Variants in PSCA observed in about 807,000 individuals in gnomAD.
The protein encoded by PSCA is prostate stem cell antigen.
Under a neutral mutation model 7.9 loss-of-function variants are expected in PSCA, and 7 were observed. The ratio of observed to expected loss-of-function variants is 0.89; its 90% CI spans 0.51 to 1.67. PSCA has a LOEUF of 1.67. Among genes scored for constraint, PSCA ranks in the 40% most tolerant of loss-of-function variants. The probability of loss-of-function intolerance (pLI) is 0.00; values close to 1 mark genes in which losing one functional copy is unlikely to be tolerated. For missense variants in PSCA, 151 were observed against 147.9 expected (o/e 1.02, Z -0.11); for synonymous variants, 61 against 68.3 (o/e 0.89, Z 0.53).
Position 142,673,436 on chromosome 8 carries a change from G to A in PSCA, n.261+2868G>A, listed in dbSNP as rs1252774985. On this transcript the variant is annotated intron_variant and non_coding_transcript_variant, in intron 1 of 1. Coordinates refer to the PSCA transcript ENST00000505305. The surrounding 1 kb of genome is among the most constrained non-coding windows in gnomAD (Gnocchi z 4.6). ...TCCATTCTGACACTGGGAGGGGTCA[G>A]AAAGAGAGGAAGAAAATACACTAGC... Among the ~76,000 whole-genome samples, 1 of 152,332 alleles carries A rather than the reference G, an allele frequency of 6.6e-6. No individual in the cohort carries two copies. Among genetic ancestry groups the A allele is most frequent in the Non-Finnish European group, 1.5e-5 (1 of 68,032 alleles).
At chr8:142,681,703 AC>A in intron 2 of PSCA, 3 of 601,682 alleles carry the variant, frequency 5.0e-6, no homozygotes, top group Non-Finnish European at 5.9e-6. Flanking sequence ...TTACTCACTC[AC>A]CCCATTTCTG....
In PSCA at chr8:142,673,623, C is replaced by T. The variant is rs1554637544; in HGVS notation, n.261+3055C>T. Among the ~76,000 whole-genome samples the T allele has an allele frequency of 2.6e-5, 4 of 152,088 alleles. No homozygotes were observed. Among genetic ancestry groups the T allele is most frequent in the African/African-American group, 7.2e-5 (3 of 41,386 alleles). ...AAATCAGCCTCTCAGAAAATTCGGA[C>T]GCTAGGGTTTTTCAAGGAGAGTCTG... On this transcript the variant is annotated intron_variant and non_coding_transcript_variant, in intron 1 of 1. Transcript: ENST00000505305. This position sits in a 1 kb window ranked among gnomAD's most constrained non-coding sequence, Gnocchi z 4.6.
chr8:142,677,200 G>A (rs763929938), upstream of PSCA, among the ~76,000 whole-genome samples: 7 of 152,176 alleles, frequency 4.6e-5, no homozygotes, highest in East Asian at 1.9e-4. Flanking sequence ...TGTGGTCAGG[G>A]GTGGGGCTCT....
chr8:142,675,701 A>G (rs1294824804), upstream of PSCA, among the ~76,000 whole-genome samples: 4 of 152,232 alleles, frequency 2.6e-5, no homozygotes, highest in Non-Finnish European at 4.4e-5. Context: ...CCATGCCCAC[A>G]TAGTTGGCAC....
At chr8:142,680,759 C>T (rs587715993) in intron 1 of PSCA, 196 bp downstream of exon 1, 58 of 697,656 alleles carry the variant, frequency 8.3e-5, no homozygotes, top group Admixed American at 5.6e-4. Flanking sequence ...CCCTGCCGTC[C>T]CCTGTGACCG....
chr8:142,678,213 G>T (rs1187828497), upstream of PSCA, among the ~76,000 whole-genome samples: 1 of 152,172 alleles, frequency 6.6e-6, no homozygotes, highest in Non-Finnish European at 1.5e-5. Flanking sequence ...AAATGTGCCA[G>T]AGCCTTTTCA....
chr8:142,682,444 A>C lies in PSCA; in HGVS notation c.*312A>C, dbSNP rs1319577358. 1 of 633,670 alleles carries C rather than the reference A, an allele frequency of 1.6e-6. No homozygotes were observed. The highest frequency in any genetic ancestry group is 2.9e-6 in the Non-Finnish European group (1 of 340,346). The allele number at this position is 633,670 out of a possible 1,614,324, so 39.3% of individuals were successfully genotyped here. ...CCTGTGCTCAGGCACCTCTTCCCCC[A>C]GGAAGCCTTCCCTGCCCACCCCATC... is the stretch of plus-strand genomic sequence containing the variant. On this transcript the variant is annotated 3_prime_UTR_variant, in exon 3 of 3. Transcript: ENST00000301258.
chr8:142,673,401 G>A lies in PSCA; in HGVS notation n.261+2833G>A, dbSNP rs782446208. ...CTCACGGAACCTTGGGCCTCTTCTC[G>A]AGGACCAAGTCCATTCTGACACTGG... On this transcript the variant is annotated intron_variant and non_coding_transcript_variant, in intron 1 of 1. Transcript: ENST00000505305. The surrounding 1 kb of genome is among the most constrained non-coding windows in gnomAD (Gnocchi z 4.6). Among the ~76,000 whole-genome samples the A allele has an allele frequency of 7.9e-5, 12 of 152,054 alleles. No individual in the cohort carries two copies. The highest frequency in any genetic ancestry group is 2.7e-4 in the African/African-American group (11 of 41,400).
At position 142,681,424 on chromosome 8, in the gene PSCA, C is replaced by T. The variant is rs782484818; in HGVS notation, c.123C>T (p.Thr41=). Residue 41 remains threonine, a synonymous_variant, in exon 2 of 3, where the codon ACC becomes ACT. Transcript: ENST00000301258. ...NCTQLGEQCW[T]ARIRAVGLLT... ...CCCAGCTGGGGGAGCAGTGCTGGAC[C>T]GCGCGCATCCGTGAGTGGGGGGACG... 24 of 1,587,964 alleles carry T rather than the reference C, an allele frequency of 1.5e-5. No individual in the cohort carries two copies. The highest frequency in any genetic ancestry group is 2.7e-5 in the African/African-American group (2 of 74,358).
upstream of PSCA, among the ~76,000 whole-genome samples, chr8:142,679,611 C>T (rs1197932609): frequency 2.0e-5 from 3 of 152,080 alleles, no homozygotes; most frequent in Admixed American, 6.5e-5. Flanking sequence ...TTGGTTTAGT[C>T]CAGAAAGGTG....
intron 1 of PSCA, chr8:142,681,088 C>T (rs1317383889): frequency 3.3e-5 from 17 of 523,014 alleles, no homozygotes; most frequent in Admixed American, 9.7e-5. Context: ...CCCCCACAGC[C>T]GCAGCTTCCT....
chr8:142,681,820 A>C, intron 2 of PSCA, 101 bp from the exon 3 acceptor site: 21 of 810,976 alleles, frequency 2.6e-5, no homozygotes, highest in Non-Finnish European at 3.9e-5. Flanking sequence ...GCCCAGGGGG[A>C]CTCTAGAGCA....
In PSCA at chr8:142,682,272, GC is replaced by G; in HGVS notation, c.*144del. ...CGCAAGTCTGACCATGTATGTCTGC[GC>G]CCCTGTCCCCCACCCTGACCCTCCC... On this transcript the variant is annotated 3_prime_UTR_variant, in exon 3 of 3. Coordinates refer to ENST00000301258, the MANE Select transcript of PSCA (RefSeq NM_005672.5). 9.4e-7 allele frequency: 1 copy of G among 1,065,226 alleles called. No individual in the cohort carries two copies. The highest frequency in any genetic ancestry group is 2.0e-4 in the Middle Eastern group (1 of 5,104). 66.0% of individuals were successfully genotyped at this position (1,065,226 alleles called of 1,614,324 possible).
At chr8:142,676,889 G>T (rs186787998), upstream of PSCA, among the ~76,000 whole-genome samples, 1 of 152,202 alleles carries the variant, frequency 6.6e-6, no homozygotes, top group Non-Finnish European at 1.5e-5. Context: ...TGCCCCTTGT[G>T]GCAGAACTTC....
chr8:142,682,008 A>T lies in PSCA; in HGVS notation c.221A>T (p.Asn74Ile). 6.2e-7 allele frequency: 1 copy of T among 1,613,164 alleles called. No individual in the cohort carries two copies. The highest frequency in any genetic ancestry group is 1.1e-5 in the South Asian group (1 of 90,888). ...DSQDYYVGKKNITCCDTDLCN... is the reference protein window; with the variant it reads ...DSQDYYVGKKIITCCDTDLCN... ...CAGGACTACTACGTGGGCAAGAAGA[A>T]CATCACGTGCTGTGACACCGACTTG... Residue 74 changes from asparagine (N) to isoleucine (I), a missense_variant, in exon 3 of 3, where the codon AAC becomes ATC. By Grantham distance (149) the Asn-to-Ile change is moderately radical. Transcript: ENST00000301258.
intron 2 of PSCA, chr8:142,681,660 C>T (rs1005532471): frequency 6.3e-5 from 39 of 615,740 alleles, no homozygotes; most frequent in Non-Finnish European, 1.0e-4. Flanking sequence ...TCCACTCCTC[C>T]ACCCATCTGT....
intron 1 of PSCA, 169 bp from the exon 2 acceptor site, chr8:142,681,158 G>A (rs1847458696): frequency 1.7e-6 from 1 of 586,148 alleles, no homozygotes; most frequent in Non-Finnish European, 3.0e-6. Flanking sequence ...CAACATTTCG[G>A]AGGCACTGAG....
chr8:142,672,833 G>C (rs1214861409), intron 1 of PSCA, among the ~76,000 whole-genome samples: 1 of 152,214 alleles, frequency 6.6e-6, no homozygotes, highest in African/African-American at 2.4e-5. Flanking sequence ...GGCAGTGTCT[G>C]ATTTACAAAG....
exon 1 of PSCA, chr8:142,670,509 T>TACCCAATTTAGATGATTC (rs1227065532): frequency 1.3e-5 from 2 of 152,214 alleles, no homozygotes; most frequent in Non-Finnish European, 2.9e-5. Context: ...GTCCAATCCA[T>TACCCAATTTAGATGATTC]ACCCAATTTA....
Sources: allele counts gnomAD v4.1 joint callset (sites outside exome capture counted in the v4.1 genomes callset), GRCh38; gene constraint gnomAD v4.1.1; non-coding constraint Gnocchi (gnomAD v3.1); transcripts MANE v1.5; gene names NCBI Gene and HGNC (gene_info 2026-07-23, HGNC 2026-07-21).